The following RPS6KA5 variants were observed in gnomAD, a reference collection of about 807,000 sequenced individuals.
RPS6KA5 encodes ribosomal protein S6 kinase alpha-5.
Under a neutral mutation model 85.5 loss-of-function variants are expected in RPS6KA5, and 27 were observed. That is an observed-to-expected ratio of 0.32 (90% CI 0.23 to 0.44). The LOEUF is 0.44. Among genes scored for constraint, RPS6KA5 ranks in the 20% least tolerant of loss-of-function variants. RPS6KA5 has a pLI of 1.00. For missense variants in RPS6KA5, 811 were observed against 980.9 expected (o/e 0.83, Z 2.31); for synonymous variants, 334 against 348.2 (o/e 0.96, Z 0.46).
At chr14:90,912,788 C>T (rs1235112590) in intron 7 of RPS6KA5, among the ~76,000 whole-genome samples, 1 of 151,880 alleles carries the variant, frequency 6.6e-6, no homozygotes, top group Admixed American at 6.6e-5. Context: ...TTATCTGCTT[C>T]TGTGGAATCT....
At chr14:90,927,450 T>C (rs117056276) in intron 5 of RPS6KA5, among the ~76,000 whole-genome samples, 1,537 of 152,230 alleles carry the variant, frequency 0.01, 91 homozygotes, top group Admixed American at 0.092. Flanking sequence ...CTATATGTTA[T>C]TTATAAAAGG....
chr14:91,060,321 G>C lies in RPS6KA5; in HGVS notation c.103+11C>G, dbSNP rs1209694812. 2 of 1,318,076 alleles carry C rather than the reference G, an allele frequency of 1.5e-6. No homozygotes were observed. The highest frequency in any genetic ancestry group is 4.7e-5 in the South Asian group (2 of 42,986). The allele number at this position is 1,318,076 out of a possible 1,614,324, so 81.6% of individuals were successfully genotyped here. A position where few individuals can be genotyped will look rare whatever the true frequency, so the allele number is the denominator to read the frequency against. ...CGCCGGGCCCGGCCGGCAGAGGGCGGGGTCGCTCACCAGTCCGCAGCTCGT... is the reference window on the plus strand; with the variant it reads ...CGCCGGGCCCGGCCGGCAGAGGGCGCGGTCGCTCACCAGTCCGCAGCTCGT... On this transcript the variant is annotated intron_variant, in intron 1 of 16. Transcript: ENST00000614987.
At chr14:90,884,506 CGACCTATACTGTGCTAAGAGCTAAAATT>C (rs1208630005) in intron 14 of RPS6KA5, among the ~76,000 whole-genome samples, 3 of 152,158 alleles carry the variant, frequency 2.0e-5, no homozygotes, top group Non-Finnish European at 4.4e-5. Context: ...AAGGGATACT[CGACCTATACTGTGCTAAGAGCTAAAATT>C]GACCAAAATT....
At chr14:91,029,353 C>T (rs184717577) in intron 1 of RPS6KA5, among the ~76,000 whole-genome samples, 1 of 152,114 alleles carries the variant, frequency 6.6e-6, no homozygotes, top group African/African-American at 2.4e-5. Context: ...TTAAAATTGA[C>T]TGAAAATAAT....
intron 3 of RPS6KA5, among the ~76,000 whole-genome samples, chr14:90,964,598 T>C (rs2038965164): frequency 6.6e-6 from 1 of 152,026 alleles, no homozygotes; most frequent in East Asian, 1.9e-4. Flanking sequence ...CAGGCATAAA[T>C]TGGTAGGATG....
intron 2 of RPS6KA5, among the ~76,000 whole-genome samples, chr14:90,986,647 A>G (rs1240490197): frequency 6.6e-6 from 1 of 152,122 alleles, no homozygotes; most frequent in African/African-American, 2.4e-5. Flanking sequence ...CGGTGCATCT[A>G]TTCTCCAGCT....
At chr14:91,011,448 T>C (rs1029238095) in intron 1 of RPS6KA5, among the ~76,000 whole-genome samples, 17 of 151,976 alleles carry the variant, frequency 1.1e-4, no homozygotes, top group Admixed American at 9.2e-4. Flanking sequence ...ATCGCGCCAC[T>C]GCACTCCAGC....
At chr14:90,894,107 C>T in intron 13 of RPS6KA5, 1 of 1,006,230 alleles carries the variant, frequency 9.9e-7, no homozygotes, top group Non-Finnish European at 1.2e-6. Flanking sequence ...TTATTTTCTG[C>T]TATAAAAATT....
intron 1 of RPS6KA5, among the ~76,000 whole-genome samples, chr14:91,044,349 A>G (rs1160352325): frequency 2.6e-5 from 1 of 39,096 alleles, no homozygotes; most frequent in Non-Finnish European, 6.0e-5. Context: ...CAAAGAAAGA[A>G]AGAAAGAAAG....
chr14:90,945,318 A>G (rs1483806909), intron 4 of RPS6KA5, among the ~76,000 whole-genome samples: 1 of 152,232 alleles, frequency 6.6e-6, no homozygotes, highest in Non-Finnish European at 1.5e-5. Flanking sequence ...GTTCTACAAG[A>G]CAGACAGGAA....
intron 14 of RPS6KA5, among the ~76,000 whole-genome samples, chr14:90,881,287 C>T (rs955895718): frequency 2.0e-5 from 3 of 151,146 alleles, no homozygotes; most frequent in Non-Finnish European, 4.4e-5. Context: ...CCCATCTCTA[C>T]TAAAACTACA....
Position 90,876,871 on chromosome 14 carries a change from A to C in RPS6KA5, c.1837-1511T>G, listed in dbSNP as rs558507016. Among the ~76,000 whole-genome samples the C allele has an allele frequency of 1.1e-4, 17 of 152,340 alleles. No homozygotes were observed. In the South Asian group the frequency reaches 3.5e-3, roughly 32 times the overall value. ...TCCGGTGATCTAGAAACAATATGCC[A>C]TCTTTCTTTTCTGGTCACGTTTCTG... is the stretch of plus-strand genomic sequence containing the variant. On this transcript the variant is annotated intron_variant, in intron 14 of 16. Transcript: ENST00000614987.
chr14:90,992,905 C>T (rs1218235920), intron 2 of RPS6KA5, among the ~76,000 whole-genome samples: 1 of 152,218 alleles, frequency 6.6e-6, no homozygotes, highest in Non-Finnish European at 1.5e-5. Flanking sequence ...AGGAAACTAA[C>T]TCCTGTCACC....
Position 90,953,492 on chromosome 14 carries a change from T to C in RPS6KA5, c.395-5942A>G, listed in dbSNP as rs564644295. On this transcript the variant is annotated intron_variant, in intron 3 of 16. Coordinates refer to ENST00000614987, the MANE Select transcript of RPS6KA5 (RefSeq NM_004755.4). ...TTGAAAAAGAACAGAATAACAGTGA[T>C]TTTCAAGGAACAAGGGAAGATAACT... Among the ~76,000 whole-genome samples, 5 of 152,266 alleles carry C rather than the reference T, an allele frequency of 3.3e-5. No homozygotes were observed. In the East Asian group the frequency reaches 9.7e-4, roughly 29 times the overall value.
In RPS6KA5 at chr14:90,875,197, T is replaced by A; in HGVS notation, c.1996+4A>T. 1 of 1,610,140 alleles carries A rather than the reference T, an allele frequency of 6.2e-7. No homozygotes were observed. ...TAAAATGTAAAATTTCATTAGATTC[T>A]TACCTTGGATCAAATCTTTAGCCTC... On this transcript the variant is annotated splice_donor_region_variant and intron_variant, in intron 15 of 16. Coordinates refer to ENST00000614987, the MANE Select transcript of RPS6KA5 (RefSeq NM_004755.4).
chr14:90,997,365 G>A (rs1474896592), intron 2 of RPS6KA5, among the ~76,000 whole-genome samples: 1 of 152,166 alleles, frequency 6.6e-6, no homozygotes, highest in Non-Finnish European at 1.5e-5. Flanking sequence ...AATGTTCATA[G>A]CAGCATTATA....
rs1192502936 is a variant in RPS6KA5 at position 91,034,001 on chromosome 14, T to C, written c.103+26331A>G. On this transcript the variant is annotated intron_variant, in intron 1 of 16. Coordinates refer to ENST00000614987, the MANE Select transcript of RPS6KA5 (RefSeq NM_004755.4). The stretch of plus-strand genomic sequence containing the variant: ...TCCAAGAACATAAGGCTATGCTGTA[T>C]GCAGCATAAAGAATTCTTTTTAGGC... Among the ~76,000 whole-genome samples the C allele has an allele frequency of 2.0e-5, 3 of 152,156 alleles. No homozygotes were observed. The East Asian group carries it at 5.8e-4, about 29-fold the overall frequency.
At chr14:90,973,033 C>T (rs1163970859) in intron 3 of RPS6KA5, among the ~76,000 whole-genome samples, 1 of 152,202 alleles carries the variant, frequency 6.6e-6, no homozygotes, top group Non-Finnish European at 1.5e-5. Context: ...ATGAGACAGG[C>T]AAATGCCCAG....
In RPS6KA5 at chr14:90,871,902, C is replaced by T; in HGVS notation, c.*172G>A. On this transcript the variant is annotated 3_prime_UTR_variant, in exon 17 of 17. Transcript: ENST00000614987. ...TGTGCTCTATTCACAGTAACATTCT[C>T]TGTCCAGTGCTTTTGAATGAGGATA... The T allele has an allele frequency of 1.3e-6, 1 of 754,842 alleles. No homozygotes were observed. The highest frequency in any genetic ancestry group is 2.1e-6 in the Non-Finnish European group (1 of 468,780). The allele number at this position is 754,842 out of a possible 1,614,324, so 46.8% of individuals were successfully genotyped here.
Sources: gnomAD v4.1 joint callset for allele counts (sites outside exome capture counted in the v4.1 genomes callset) on GRCh38, gnomAD v4.1.1 for gene constraint, MANE v1.5 for transcripts, NCBI Gene and HGNC (gene_info 2026-07-23, HGNC 2026-07-21) for gene names.